Variants in HEATR6 observed in about 807,000 individuals in gnomAD.
The protein encoded by HEATR6 is HEAT repeat containing 6, also known as HEAT repeat-containing protein 6.
In HEATR6, 106 loss-of-function variants were observed where a neutral mutation model predicts 132.8. That is an observed-to-expected ratio of 0.80 (90% confidence interval 0.68 to 0.94). The LOEUF (loss-of-function observed/expected upper bound fraction) is 0.94. Among genes scored for constraint, HEATR6 ranks in the 40% least tolerant of loss-of-function variants. The pLI is 0.00. For synonymous variants in HEATR6, 529 were observed against 537.8 expected (o/e 0.98, Z 0.23); for missense variants, 1,339 against 1,425.1 (o/e 0.94, Z 0.97).
rs75491486 is a variant in HEATR6 at position 60,043,829 on chromosome 17, T to C, written c.3280A>G (p.Thr1094Ala). 195 of 1,614,114 alleles carry C rather than the reference T, an allele frequency of 1.2e-4. No homozygotes were observed. In the African/African-American group the frequency reaches 2.3e-3, roughly 19 times the overall value. The stretch of plus-strand genomic sequence containing the variant: ...ACCATATTCCCACTCAGTTCAAGGG[T>C]TTCTTTCATACAAGGGAGGTCCGAG... Reference protein sequence around the residue: ...SASDLPCMKETLELSGNMVQS... With the variant: ...SASDLPCMKEALELSGNMVQS... Residue 1094 changes from threonine (T) to alanine (A), a missense_variant, in exon 20 of 20, where the codon ACC becomes GCC. Coordinates refer to ENST00000184956, the MANE Select transcript of HEATR6 (RefSeq NM_022070.5).
intron 14 of HEATR6, among the ~76,000 whole-genome samples, chr17:60,052,987 T>C (rs1906634873): frequency 6.6e-6 from 1 of 152,190 alleles, no homozygotes; most frequent in South Asian, 2.1e-4. Flanking sequence ...ACCATGCCTA[T>C]AACCACATAT....
Position 60,041,887 on chromosome 17 carries a change from G to A in HEATR6, c.*1676C>T, listed in dbSNP as rs1284175601. ...ACCCATTTTTTGTAACTTCTTAATT[G>A]TCCCACATCAAAGATAAGTATGGAC... On this transcript the variant is annotated 3_prime_UTR_variant, in exon 20 of 20. Transcript: ENST00000184956. 6.6e-6 allele frequency among the ~76,000 whole-genome samples: 1 copy of A among 152,092 alleles called. No individual in the cohort carries two copies. Among genetic ancestry groups the A allele is most frequent in the African/African-American group, 2.4e-5 (1 of 41,406 alleles).
intron 6 of HEATR6, 35 bp from the exon 7 acceptor site, chr17:60,069,883 C>G: frequency 6.3e-7 from 1 of 1,597,438 alleles, no homozygotes; most frequent in Non-Finnish European, 8.5e-7. Flanking sequence ...CACACACACA[C>G]GAAACCAAAA....
chr17:60,053,685 C>T (rs772712521), intron 14 of HEATR6, among the ~76,000 whole-genome samples: 16 of 152,136 alleles, frequency 1.1e-4, no homozygotes, highest in Admixed American at 2.6e-4. Context: ...TTTGTTACAC[C>T]TTAGCAAACT....
intron 8 of HEATR6, among the ~76,000 whole-genome samples, chr17:60,067,009 G>A (rs532576821): frequency 6.6e-6 from 1 of 152,132 alleles, no homozygotes; most frequent in Non-Finnish European, 1.5e-5. Context: ...GGTGGCTCAC[G>A]CCTGTAATCC....
Position 60,044,059 on chromosome 17 carries a change from C to T in HEATR6, c.3050G>A (p.Arg1017His), listed in dbSNP as rs373049681. The change falls in exon 20 of 20, where the codon CGC becomes CAC. Residue 1017 changes from arginine to histidine, a missense_variant. Arg to His is a conservative substitution (Grantham distance 29). Transcript: ENST00000184956. ...GGAAAGGGCAGCTGCAGATCTGATG[C>T]GCACTTTGAAGTTCTTGCATGATGT... ...VVTSCKNFKV[R>H]IRSAAALSVP... 61 of 1,614,144 alleles carry T rather than the reference C, an allele frequency of 3.8e-5. No homozygotes were observed. Among genetic ancestry groups the T allele is most frequent in the Non-Finnish European group, 4.8e-5 (57 of 1,180,036 alleles).
Position 60,041,685 on chromosome 17 carries a change from G to C in HEATR6, c.*1878C>G, listed in dbSNP as rs1211266450. On this transcript the variant is annotated 3_prime_UTR_variant, in exon 20 of 20. Coordinates refer to ENST00000184956, the MANE Select transcript of HEATR6 (RefSeq NM_022070.5). ...ACTGATATTCTATCAATGGAAAATT[G>C]AGCCTTTAGTGAACTTGAATACCCT... Among the ~76,000 whole-genome samples, 5 of 152,166 alleles carry C rather than the reference G, an allele frequency of 3.3e-5. No individual in the cohort carries two copies. The East Asian group carries it at 9.6e-4, about 29-fold the overall frequency.
intron 14 of HEATR6, among the ~76,000 whole-genome samples, chr17:60,051,876 T>C (rs1267311341): frequency 3.9e-5 from 6 of 152,186 alleles, no homozygotes; most frequent in Non-Finnish European, 5.9e-5. Flanking sequence ...GTTGCCAGTC[T>C]CCAGGATGGC....
rs140407276 is a variant in HEATR6, at chr17:60,065,570, C to T, written c.1416+639G>A. Among the ~76,000 whole-genome samples, 388 of 152,324 alleles carry T rather than the reference C, an allele frequency of 2.5e-3. 3 individuals are homozygous for T. Among genetic ancestry groups the T allele is most frequent in the African/African-American group, 8.7e-3 (363 of 41,576 alleles). On this transcript the variant is annotated intron_variant, in intron 9 of 19. Coordinates refer to ENST00000184956, the MANE Select transcript of HEATR6 (RefSeq NM_022070.5). ...AATTCTGGAGAAGAATTAACATATTCAAGCGAGGCAAATATTTGATAAGCC... is the reference window on the plus strand; with the variant it reads ...AATTCTGGAGAAGAATTAACATATTTAAGCGAGGCAAATATTTGATAAGCC...
chr17:60,069,467 T>C (rs1026713054), intron 7 of HEATR6, among the ~76,000 whole-genome samples: 1 of 152,194 alleles, frequency 6.6e-6, no homozygotes, highest in Non-Finnish European at 1.5e-5. Flanking sequence ...AATGCTTGGT[T>C]TGGGGTATAA....
intron 9 of HEATR6, among the ~76,000 whole-genome samples, chr17:60,061,305 G>A (rs759063827): frequency 9.2e-5 from 14 of 152,160 alleles, no homozygotes; most frequent in African/African-American, 1.2e-4. Context: ...GAGTGGAGTC[G>A]TAGAAATCTA....
At chr17:60,063,801 A>G (rs1597952878) in intron 9 of HEATR6, 1 of 152,238 alleles carries the variant, frequency 6.6e-6, no homozygotes, top group Non-Finnish European at 1.5e-5. Context: ...CTTCAATGAC[A>G]AGATAAACTA....
At chr17:60,060,963 T>C (rs568838526) in intron 9 of HEATR6, among the ~76,000 whole-genome samples, 6 of 152,328 alleles carry the variant, frequency 3.9e-5, no homozygotes, top group East Asian at 3.9e-4. Flanking sequence ...GGTTGAAAGA[T>C]TACTTTCAAT....
rs1906186479 is a variant in HEATR6 at position 60,042,000 on chromosome 17, T to G, written c.*1563A>C. 6.6e-6 allele frequency among the ~76,000 whole-genome samples: 1 copy of G among 152,164 alleles called. No homozygotes were observed. Among genetic ancestry groups the G allele is most frequent in the African/African-American group, 2.4e-5 (1 of 41,434 alleles). ...GGTGCTCAGTAGAAAAATGCAAAATTTAAATATATATATTCAGTAGAAGTT... is the reference window on the plus strand; with the variant it reads ...GGTGCTCAGTAGAAAAATGCAAAATGTAAATATATATATTCAGTAGAAGTT... On this transcript the variant is annotated 3_prime_UTR_variant, in exon 20 of 20. Transcript: ENST00000184956.
intron 19 of HEATR6, 95 bp downstream of exon 19, chr17:60,045,930 G>A (rs1024694300): frequency 1.0e-6 from 1 of 960,576 alleles, no homozygotes; most frequent in Admixed American, 2.2e-5. Flanking sequence ...CTAATACTAT[G>A]ACAAATAACA....
intron 18 of HEATR6, 85 bp downstream of exon 18, chr17:60,047,224 C>T: frequency 3.5e-6 from 3 of 846,424 alleles, no homozygotes; most frequent in Non-Finnish European, 5.8e-6. Context: ...GTCTGAGGAA[C>T]ATCAAGCCAC....
intron 11 of HEATR6, among the ~76,000 whole-genome samples, chr17:60,058,173 G>C (rs1906816666): frequency 6.6e-6 from 1 of 152,170 alleles, no homozygotes; most frequent in South Asian, 2.1e-4. Flanking sequence ...TTTTGATTGA[G>C]ACTGCACTGA....
chr17:60,050,744 A>C, intron 15 of HEATR6, 99 bp downstream of exon 15: 3 of 1,418,948 alleles, frequency 2.1e-6, no homozygotes, highest in Non-Finnish European at 2.9e-6. Flanking sequence ...CCTTTTCATC[A>C]GAGATGATGC....
intron 14 of HEATR6, among the ~76,000 whole-genome samples, chr17:60,051,641 T>C (rs550230841): frequency 6.0e-4 from 92 of 152,372 alleles, no homozygotes; most frequent in Non-Finnish European, 1.1e-3. Context: ...GCCTCTAAAG[T>C]AGCCATGTCA....
Sources: allele counts gnomAD v4.1 joint callset (sites outside exome capture counted in the v4.1 genomes callset), GRCh38; gene constraint gnomAD v4.1.1; transcripts MANE v1.5; gene names NCBI Gene and HGNC (gene_info 2026-07-23, HGNC 2026-07-21).